DSCAM: variants seen among roughly 807,000 people sequenced by gnomAD.
The protein encoded by DSCAM is DS cell adhesion molecule, also known as cell adhesion molecule DSCAM.
A neutral mutation model predicts 217.7 loss-of-function variants in DSCAM; 47 were observed. The observed-to-expected ratio is 0.22, with a 90% CI of 0.17 to 0.28. DSCAM has a LOEUF of 0.28. DSCAM is among the 10% of genes least tolerant of loss of function. The probability of loss-of-function intolerance (pLI) is 1.00; values close to 1 mark genes in which losing one functional copy is unlikely to be tolerated. For missense variants in DSCAM, 2,080 were observed against 2,618.3 expected, an observed-to-expected ratio of 0.79 and a Z score of 4.49; for synonymous variants, 1,056 against 1,015.3, an observed-to-expected ratio of 1.04 and a Z score of -0.76.
chr21:40,620,112 A>T (rs1389585369), intron 3 of DSCAM, among the ~76,000 whole-genome samples: 1 of 121,418 alleles, frequency 8.2e-6, no homozygotes, highest in South Asian at 2.8e-4. Context: ...GAGAAAAAAG[A>T]AAAAGAAAGA....
intron 3 of DSCAM, among the ~76,000 whole-genome samples, chr21:40,515,618 G>T (rs1490736346): frequency 2.0e-5 from 3 of 152,072 alleles, no homozygotes; most frequent in African/African-American, 7.2e-5. Flanking sequence ...TCCAATTGAA[G>T]GTAAAAATAC....
intron 16 of DSCAM, among the ~76,000 whole-genome samples, chr21:40,147,316 G>A (rs1402297147): frequency 6.6e-6 from 1 of 152,196 alleles, no homozygotes; most frequent in Non-Finnish European, 1.5e-5. Context: ...AGTTTGGGGG[G>A]ATTAATCCTG....
At chr21:40,145,426 G>A (rs369237096) in intron 16 of DSCAM, among the ~76,000 whole-genome samples, 4 of 152,142 alleles carry the variant, frequency 2.6e-5, no homozygotes, top group East Asian at 1.9e-4. Context: ...ATTTGGGGGT[G>A]ATTAAATGTG....
At chr21:40,177,978 G>T (rs1050871240) in intron 15 of DSCAM, among the ~76,000 whole-genome samples, 3 of 152,220 alleles carry the variant, frequency 2.0e-5, no homozygotes, top group Non-Finnish European at 2.9e-5. Context: ...CCCTGCAGTA[G>T]GGAGTGGCTG....
intron 2 of DSCAM, among the ~76,000 whole-genome samples, chr21:40,693,550 T>TG (rs1376429569): frequency 1.3e-5 from 2 of 152,128 alleles, no homozygotes; most frequent in Non-Finnish European, 2.9e-5. Context: ...GTTATGATGA[T>TG]GGCAAACTGC....
chr21:40,755,029 C>A (rs547001075), intron 1 of DSCAM, among the ~76,000 whole-genome samples: 24 of 152,244 alleles, frequency 1.6e-4, no homozygotes, highest in Admixed American at 3.3e-4. Context: ...TGGAGTTTTG[C>A]CACAAGACAT....
chr21:40,407,031 T>C (rs2075285213), intron 3 of DSCAM, among the ~76,000 whole-genome samples: 1 of 152,166 alleles, frequency 6.6e-6, no homozygotes, highest in South Asian at 2.1e-4. Flanking sequence ...ATATAAACTT[T>C]CAGTTAAACA....
chr21:40,741,565 A>C (rs1171036479), intron 1 of DSCAM, among the ~76,000 whole-genome samples: 1 of 152,190 alleles, frequency 6.6e-6, no homozygotes, highest in African/African-American at 2.4e-5. Context: ...TGACAGAGTA[A>C]GAAAAGTCAC....
rs1187681003 is a variant in DSCAM, at chr21:40,696,037, C to T, written c.362-3081G>A. ...TCATTCTACATCCAACTACTGCTAA[C>T]TTTGTTGCAGTAACAGACACTGGGC... On this transcript the variant is annotated intron_variant, in intron 2 of 32. Coordinates refer to ENST00000400454, the MANE Select transcript of DSCAM (RefSeq NM_001389.5). 3.3e-5 allele frequency among the ~76,000 whole-genome samples: 5 copies of T among 151,930 alleles called. 1 individual carries two copies. In the South Asian group the frequency reaches 8.3e-4, roughly 25 times the overall value.
At chr21:40,512,454 T>C (rs2076266913) in intron 3 of DSCAM, among the ~76,000 whole-genome samples, 1 of 152,040 alleles carries the variant, frequency 6.6e-6, no homozygotes, top group South Asian at 2.1e-4. Flanking sequence ...GTCAGAGACA[T>C]GTGAATGAAG....
At chr21:40,440,926 C>T (rs1350568423) in intron 3 of DSCAM, among the ~76,000 whole-genome samples, 2 of 152,094 alleles carry the variant, frequency 1.3e-5, no homozygotes, top group Non-Finnish European at 2.9e-5. Flanking sequence ...TAGAATGGAC[C>T]ACCTGGAGCT....
At chr21:40,536,023 C>A (rs1675784562) in intron 3 of DSCAM, among the ~76,000 whole-genome samples, 1 of 152,220 alleles carries the variant, frequency 6.6e-6, no homozygotes, top group South Asian at 2.1e-4. Context: ...ACACCCACTG[C>A]AGTGCAGTGT....
chr21:40,305,903 T>C (rs1207724091), intron 9 of DSCAM, among the ~76,000 whole-genome samples: 1 of 152,146 alleles, frequency 6.6e-6, no homozygotes, highest in African/African-American at 2.4e-5. Context: ...TCTTTTGGCT[T>C]AGGATTGACT....
At chr21:40,444,604 C>T (rs2075659242) in intron 3 of DSCAM, among the ~76,000 whole-genome samples, 1 of 152,144 alleles carries the variant, frequency 6.6e-6, no homozygotes, top group African/African-American at 2.4e-5. Flanking sequence ...AATACATATT[C>T]TATTTTTAAA....
At chr21:40,812,370 A>G (rs374779956) in intron 1 of DSCAM, among the ~76,000 whole-genome samples, 1 of 152,122 alleles carries the variant, frequency 6.6e-6, no homozygotes, top group Non-Finnish European at 1.5e-5. Context: ...CCCAGCACTT[A>G]TATCTTCAGC....
chr21:40,705,920 C>T (rs924668929), intron 2 of DSCAM, among the ~76,000 whole-genome samples: 2 of 152,130 alleles, frequency 1.3e-5, no homozygotes, highest in Non-Finnish European at 2.9e-5. Context: ...GTCGCTCATG[C>T]CTGTAATCCC....
chr21:40,441,625 G>T (rs1010999512), intron 3 of DSCAM, among the ~76,000 whole-genome samples: 1 of 152,124 alleles, frequency 6.6e-6, no homozygotes, highest in Admixed American at 6.5e-5. Context: ...ATGAACTTCT[G>T]GTTCCAAACA....
chr21:40,311,477 T>C (rs1239011997), intron 9 of DSCAM, among the ~76,000 whole-genome samples: 2 of 152,232 alleles, frequency 1.3e-5, no homozygotes, highest in East Asian at 3.8e-4. Flanking sequence ...GCCAGTTTTC[T>C]ACAAGTTAGC....
chr21:40,508,190 C>A (rs186309532), intron 3 of DSCAM, among the ~76,000 whole-genome samples: 20 of 152,242 alleles, frequency 1.3e-4, no homozygotes, highest in Non-Finnish European at 2.4e-4. Context: ...GGGAAGAAAC[C>A]ATGAACTGTG....
Sources: allele counts gnomAD v4.1 joint callset (sites outside exome capture counted in the v4.1 genomes callset), GRCh38; gene constraint gnomAD v4.1.1; transcripts MANE v1.5; gene names NCBI Gene and HGNC (gene_info 2026-07-23, HGNC 2026-07-21).